EPC1: variants seen among roughly 807,000 people sequenced by gnomAD.
EPC1 encodes the protein enhancer of polycomb 1.
A neutral mutation model predicts 98.4 loss-of-function variants in EPC1; 12 were observed. The observed-to-expected ratio is 0.12, with a 90% confidence interval of 0.08 to 0.20. EPC1 has a LOEUF of 0.20. Among genes scored for constraint, EPC1 ranks in the 10% least tolerant of loss-of-function variants. The pLI is 1.00. For synonymous variants in EPC1, 357 were observed against 363.9 expected (o/e 0.98, Z 0.21); for missense variants, 729 against 990.5 (o/e 0.74, Z 3.54).
intron 1 of EPC1, chr10:32,346,559 G>A (rs1838830523): frequency 3.5e-6 from 2 of 578,384 alleles, no homozygotes; most frequent in Admixed American, 6.2e-5. Flanking sequence ...AGGGTCAGCG[G>A]GTGGCCTTAG....
intron 2 of EPC1, among the ~76,000 whole-genome samples, chr10:32,295,394 A>T (rs987426241): frequency 6.6e-6 from 1 of 152,228 alleles, no homozygotes; most frequent in African/African-American, 2.4e-5. Context: ...ACATTGGTAC[A>T]GTTGAATGTA....
chr10:32,307,137 A>T (rs770724450), intron 1 of EPC1, among the ~76,000 whole-genome samples: 2 of 152,176 alleles, frequency 1.3e-5, no homozygotes, highest in African/African-American at 2.4e-5. Flanking sequence ...CTTCTACTAC[A>T]TTCCTTACAA....
intron 1 of EPC1, among the ~76,000 whole-genome samples, chr10:32,352,499 T>A (rs1477851781): frequency 6.6e-6 from 1 of 152,118 alleles, no homozygotes; most frequent in Non-Finnish European, 1.5e-5. Context: ...CCTCAATAGA[T>A]GTAAGATATT....
chr10:32,305,281 C>T (rs143165354), intron 2 of EPC1, among the ~76,000 whole-genome samples: 2 of 152,230 alleles, frequency 1.3e-5, no homozygotes, highest in African/African-American at 2.4e-5. Context: ...AGTTTTATTA[C>T]AACACAGCGA....
At chr10:32,351,718 A>ATTATTTAT (rs61371961), upstream of EPC1, among the ~76,000 whole-genome samples, 32 of 151,000 alleles carry the variant, frequency 2.1e-4, no homozygotes, top group Middle Eastern at 3.4e-3. Context: ...CATTCTTTTG[A>ATTATTTAT]TTATTTATTT....
chr10:32,284,674 G>A (rs1167575139), intron 10 of EPC1, 24 bp downstream of exon 10: 4 of 1,552,772 alleles, frequency 2.6e-6, no homozygotes, highest in Middle Eastern at 1.7e-4. Flanking sequence ...CTATAGAAAC[G>A]TACATCATTA....
At chr10:32,346,011 T>C (rs1838759605) in intron 1 of EPC1, among the ~76,000 whole-genome samples, 2 of 152,252 alleles carry the variant, frequency 1.3e-5, no homozygotes, top group South Asian at 4.1e-4. Context: ...AAGTCAGGGA[T>C]AGTGGTTTAT....
rs1446195094 is a variant in EPC1, at chr10:32,284,925, G to A, written c.1517C>T (p.Ser506Leu). 14 of 1,614,026 alleles carry A rather than the reference G, an allele frequency of 8.7e-6. No individual in the cohort carries two copies. The highest frequency in any genetic ancestry group is 1.7e-5 in the Admixed American group (1 of 59,994). Residue 506 changes from serine to leucine, a missense_variant, in exon 10 of 14, where the codon TCG (serine) becomes TTG (leucine). Coordinates refer to ENST00000319778, the MANE Select transcript of EPC1 (RefSeq NM_001272004.3). The part of the protein sequence containing the change: ...QFANTSETNT[S>L]DKSFSKDLSQ... ...GAGGTCTTTAGAGAAAGATTTGTCC[G>A]AGGTATTTGTTTCTGAGGTATTGGC...
upstream of EPC1, among the ~76,000 whole-genome samples, chr10:32,350,091 T>C (rs528920928): frequency 3.3e-5 from 5 of 152,346 alleles, no homozygotes; most frequent in South Asian, 8.3e-4. Flanking sequence ...TTTTTCTAAG[T>C]ATCCCCAACA....
chr10:32,284,622 CCA>C, intron 10 of EPC1, 74 bp downstream of exon 10: 1 of 1,225,344 alleles, frequency 8.2e-7, no homozygotes, highest in East Asian at 2.4e-5. Context: ...ATGTAACAGA[CCA>C]CATAGTCGAA....
chr10:32,345,276 A>T, intron 1 of EPC1: 1 of 985,456 alleles, frequency 1.0e-6, no homozygotes, highest in Middle Eastern at 5.2e-4. Flanking sequence ...GAGCTACTAC[A>T]TACACTTGGC....
Position 32,347,122 on chromosome 10 carries a change from G to A in EPC1, c.-207C>T. On this transcript the variant is annotated 5_prime_UTR_variant, in exon 1 of 14. Coordinates refer to ENST00000319778, the MANE Select transcript of EPC1 (RefSeq NM_001272004.3). ...CTCTCTCGCTCGCTCTCTTCAATAC[G>A]CCATGGCCAACATGGCGGACATTAA... The A allele has an allele frequency of 7.0e-7, 1 of 1,429,710 alleles. No homozygotes were observed. The highest frequency in any genetic ancestry group is 9.1e-7 in the Non-Finnish European group (1 of 1,096,550). 88.6% of individuals were successfully genotyped at this position (1,429,710 alleles called of 1,614,324 possible).
chr10:32,298,762 G>A (rs773858219), intron 2 of EPC1, among the ~76,000 whole-genome samples: 4 of 152,128 alleles, frequency 2.6e-5, no homozygotes, highest in Admixed American at 2.0e-4. Flanking sequence ...AAGATCTTTC[G>A]TACATAAAGT....
intron 1 of EPC1, among the ~76,000 whole-genome samples, chr10:32,332,797 A>C (rs546318949): frequency 2.6e-5 from 4 of 152,230 alleles, no homozygotes; most frequent in Non-Finnish European, 5.9e-5. Flanking sequence ...TAGATAAGTA[A>C]TACATGTTGA....
intron 1 of EPC1, among the ~76,000 whole-genome samples, chr10:32,307,879 T>C (rs1835965831): frequency 6.6e-6 from 1 of 152,232 alleles, no homozygotes; most frequent in Non-Finnish European, 1.5e-5. Context: ...TTGCTTTTTG[T>C]TCCCAGCTCA....
intron 1 of EPC1, among the ~76,000 whole-genome samples, chr10:32,341,454 C>A (rs920034716): frequency 6.6e-6 from 1 of 152,132 alleles, no homozygotes; most frequent in Non-Finnish European, 1.5e-5. Flanking sequence ...TATATTTAAT[C>A]CTGCCCACAC....
Position 32,347,133 on chromosome 10 carries a change from C to T in EPC1, c.-218G>A, listed in dbSNP as rs1361336446. 4 of 1,425,410 alleles carry T rather than the reference C, an allele frequency of 2.8e-6. No individual in the cohort carries two copies. The highest frequency in any genetic ancestry group is 3.7e-6 in the Non-Finnish European group (4 of 1,094,170). The allele number at this position is 1,425,410 out of a possible 1,614,324, so 88.3% of individuals were successfully genotyped here. On this transcript the variant is annotated 5_prime_UTR_variant, in exon 1 of 14. It removes an upstream start codon present in the reference 5' UTR. Transcript: ENST00000319778. ...GCTCTCTTCAATACGCCATGGCCAA[C>T]ATGGCGGACATTAAAACTCCACTGT...
chr10:32,350,079 T>G (rs1329645883), upstream of EPC1, among the ~76,000 whole-genome samples: 2 of 152,258 alleles, frequency 1.3e-5, no homozygotes, highest in Non-Finnish European at 2.9e-5. Flanking sequence ...TAAAATTCCT[T>G]CTTTTTCTAA....
Position 32,284,750 on chromosome 10 carries a change from C to T in EPC1, c.1692G>A (p.Gln564=). The change falls in exon 10 of 14, where the codon CAG becomes CAA. Residue 564 remains glutamine (Q), a synonymous_variant. Transcript: ENST00000319778. Reference sequence around the variant, plus strand: ...TACTTTGCGTAGAGGTACTGCATGTCTGGGTCCCAGGTTGTGCTGTTCCTG... The same window carrying T: ...TACTTTGCGTAGAGGTACTGCATGTTTGGGTCCCAGGTTGTGCTGTTCCTG... The part of the protein sequence containing the change: ...NRTGTAQPGT[Q]TCSTSTQSKS... The T allele has an allele frequency of 6.2e-7, 1 of 1,614,174 alleles. No homozygotes were observed. The highest frequency in any genetic ancestry group is 8.5e-7 in the Non-Finnish European group (1 of 1,180,030).
Sources: gnomAD v4.1 joint callset for allele counts (sites outside exome capture counted in the v4.1 genomes callset) on GRCh38, gnomAD v4.1.1 for gene constraint, MANE v1.5 for transcripts, NCBI Gene and HGNC (gene_info 2026-07-23, HGNC 2026-07-21) for gene names.